The following ADAMTS13 variants were observed in gnomAD, a reference collection of about 807,000 sequenced individuals.
The protein encoded by ADAMTS13 is ADAM metallopeptidase with thrombospondin type 1 motif 13, also known as A disintegrin and metalloproteinase with thrombospondin motifs 13.
In ADAMTS13, 110 loss-of-function variants were observed where a neutral mutation model predicts 155.1. That is an observed-to-expected ratio of 0.71 (90% CI 0.61 to 0.83). The LOEUF is 0.83. Among genes scored for constraint, ADAMTS13 ranks in the 40% least tolerant of loss-of-function variants. ADAMTS13 has a pLI of 0.00. For missense variants in ADAMTS13, 1,707 were observed against 1,891.7 expected, an observed-to-expected ratio of 0.90 and a Z score of 1.81; for synonymous variants, 758 against 756.4, an observed-to-expected ratio of 1.00 and a Z score of -0.03.
intron 23 of ADAMTS13, among the ~76,000 whole-genome samples, chr9:133,451,747 CG>C (rs782125423): frequency 1.1e-4 from 17 of 151,792 alleles, no homozygotes; most frequent in Non-Finnish European, 2.4e-4. Context: ...AAAAATTAGC[CG>C]GGCATGGTGG....
At chr9:133,433,616 C>T in intron 10 of ADAMTS13, 25 bp from the exon 11 acceptor site, 1 of 1,613,876 alleles carries the variant, frequency 6.2e-7, no homozygotes, top group Non-Finnish European at 8.5e-7. Flanking sequence ...GCTCTCTCAC[C>T]CTCCTGTCTG....
intron 23 of ADAMTS13, among the ~76,000 whole-genome samples, chr9:133,453,028 C>T (rs1040380134): frequency 2.0e-5 from 3 of 152,134 alleles, no homozygotes; most frequent in Non-Finnish European, 4.4e-5. Flanking sequence ...ACGGCACTCT[C>T]GTCCCTCCTG....
rs782450096 is a variant in ADAMTS13, at chr9:133,440,381, G to T, written c.1824G>T (p.Lys608Asn). ...GAGGGCGCTATGTCGTGGCTGGGAA[G>T]ATGAGCATCTCCCCTAACACCACCT... ...RIGGRYVVAG[K>N]MSISPNTTYP... The change falls in exon 16 of 29, where the codon AAG becomes AAT. Residue 608 changes from lysine (K) to asparagine (N), a missense_variant. Lys to Asn is a moderately conservative substitution (Grantham distance 94). Transcript: ENST00000355699. The surrounding 1 kb of genome is among the most constrained non-coding windows in gnomAD (Gnocchi z 4.3). 1.2e-6 allele frequency: 2 copies of T among 1,613,994 alleles called. No homozygotes were observed. Among genetic ancestry groups the T allele is most frequent in the Non-Finnish European group, 1.7e-6 (2 of 1,180,048 alleles).
rs587673977 is a variant in ADAMTS13 at position 133,444,220 on chromosome 9, T to C, written c.2421-643T>C. On this transcript the variant is annotated intron_variant, in intron 19 of 28. Coordinates refer to ENST00000355699, the MANE Select transcript of ADAMTS13 (RefSeq NM_139027.6). ...AGGGCTGACTCACAGCTGAAACCCA[T>C]TGGCCACCCTTGAACCTGGTGATCC... Among the ~76,000 whole-genome samples the C allele has an allele frequency of 2.2e-3, 329 of 152,286 alleles. 2 individuals are homozygous for C. Among genetic ancestry groups the C allele is most frequent in the African/African-American group, 7.3e-3 (305 of 41,570 alleles).
upstream of ADAMTS13, chr9:133,418,137 T>G: frequency 2.2e-6 from 1 of 445,850 alleles, no homozygotes; most frequent in Non-Finnish European, 4.0e-6. Context: ...GCCGCCGCCT[T>G]AGCCAGCGGC....
chr9:133,452,406 C>A (rs1463914809), intron 23 of ADAMTS13, among the ~76,000 whole-genome samples: 1 of 152,020 alleles, frequency 6.6e-6, no homozygotes, highest in Admixed American at 6.6e-5. Flanking sequence ...CTTGCCCATA[C>A]AAAATTGTTT....
upstream of ADAMTS13, chr9:133,418,135 C>T: frequency 2.2e-6 from 1 of 461,272 alleles, no homozygotes. Context: ...GGGCCGCCGC[C>T]TTAGCCAGCG....
chr9:133,418,105 G>A (rs116265968), upstream of ADAMTS13: 2 of 512,810 alleles, frequency 3.9e-6, no homozygotes, highest in East Asian at 3.3e-5. Flanking sequence ...CAGCCTGGGC[G>A]GTTCACCCGC....
chr9:133,418,568 G>A (rs73550832), upstream of ADAMTS13, among the ~76,000 whole-genome samples: 2 of 152,212 alleles, frequency 1.3e-5, no homozygotes, highest in African/African-American at 2.4e-5. Flanking sequence ...TCCAAAAACC[G>A]AGCTCTCTGA....
rs888349234 is a variant in ADAMTS13 at position 133,445,334 on chromosome 9, G to C, written c.2610+282G>C. 2.6e-5 allele frequency among the ~76,000 whole-genome samples: 4 copies of C among 152,346 alleles called. No individual in the cohort carries two copies. Among genetic ancestry groups the C allele is most frequent in the South Asian group, 4.1e-4 (2 of 4,828 alleles). On this transcript the variant is annotated intron_variant, in intron 20 of 28. Transcript: ENST00000355699. This position sits in a 1 kb window ranked among gnomAD's most constrained non-coding sequence, Gnocchi z 5.0. ...GAGAAATGCTGCCAGGCTCCCGCCTGGCGTCCAGGGGCTGGAGGCTGACTG... is the reference window on the plus strand; with the variant it reads ...GAGAAATGCTGCCAGGCTCCCGCCTCGCGTCCAGGGGCTGGAGGCTGACTG...
chr9:133,420,307 G>A (rs1042826046), upstream of ADAMTS13, among the ~76,000 whole-genome samples: 5 of 151,672 alleles, frequency 3.3e-5, no homozygotes, highest in South Asian at 4.2e-4. Context: ...CACCTGCCTC[G>A]GCCTCCCAAA....
At chr9:133,418,198 C>T (rs1839794653), upstream of ADAMTS13, 1 of 331,124 alleles carries the variant, frequency 3.0e-6, no homozygotes, top group Non-Finnish European at 5.6e-6. Flanking sequence ...AGGACCTCCC[C>T]AAGATCCGGG....
chr9:133,432,712 G>C lies in ADAMTS13; in HGVS notation c.1092+20G>C. 1.3e-6 allele frequency: 2 copies of C among 1,549,902 alleles called. No homozygotes were observed. Among genetic ancestry groups the C allele is most frequent in the Non-Finnish European group, 1.7e-6 (2 of 1,147,594 alleles). On this transcript the variant is annotated intron_variant, in intron 9 of 28. Transcript: ENST00000355699. Reference sequence around the variant, plus strand: ...GAGAAGGTCAGAGCCAAGAGTGAATGAGTGGGCTCCTGTGAGCACGTGCAC... The same window carrying C: ...GAGAAGGTCAGAGCCAAGAGTGAATCAGTGGGCTCCTGTGAGCACGTGCAC...
At chr9:133,418,251 C>T (rs922184879), upstream of ADAMTS13, among the ~76,000 whole-genome samples, 3 of 152,322 alleles carry the variant, frequency 2.0e-5, no homozygotes, top group South Asian at 2.1e-4. Context: ...ACTGGGGGGC[C>T]GCTGTGTGTG....
intron 23 of ADAMTS13, among the ~76,000 whole-genome samples, chr9:133,452,858 A>G (rs906954187): frequency 6.6e-5 from 10 of 152,170 alleles, no homozygotes; most frequent in Non-Finnish European, 1.3e-4. Context: ...GTCCTGGAAC[A>G]TTCCAGGGAT....
intron 11 of ADAMTS13, 31 bp downstream of exon 11, chr9:133,433,735 A>AG: frequency 6.2e-7 from 1 of 1,609,726 alleles, no homozygotes; most frequent in Non-Finnish European, 8.5e-7. Flanking sequence ...AGGAGGGGGC[A>AG]GCTGGTGGCA....
exon 1 of ADAMTS13, chr9:133,414,369 A>C (rs1344823536): frequency 3.3e-6 from 2 of 610,298 alleles, no homozygotes; most frequent in Non-Finnish European, 6.1e-6. Context: ...AACTGGCGAG[A>C]AGCAGGGACA....
intron 19 of ADAMTS13, 59 bp from the exon 20 acceptor site, chr9:133,444,804 C>A: frequency 6.3e-7 from 1 of 1,576,098 alleles, no homozygotes; most frequent in Non-Finnish European, 8.6e-7. Context: ...AGCAGCTGGG[C>A]TATACCTTCC....
At chr9:133,451,849 A>G (rs1309360747) in intron 23 of ADAMTS13, among the ~76,000 whole-genome samples, 3 of 137,620 alleles carry the variant, frequency 2.2e-5, no homozygotes, top group African/African-American at 8.3e-5. Context: ...CAGAGATCAC[A>G]CCACCACTGC....
Sources: allele counts gnomAD v4.1 joint callset (sites outside exome capture counted in the v4.1 genomes callset), GRCh38; gene constraint gnomAD v4.1.1; non-coding constraint Gnocchi (gnomAD v3.1); transcripts MANE v1.5; gene names NCBI Gene and HGNC (gene_info 2026-07-23, HGNC 2026-07-21).